Variants in TAF2 observed in about 807,000 individuals in gnomAD.
TAF2 encodes the protein TATA-box binding protein associated factor 2.
Under a neutral mutation model 138.5 loss-of-function variants are expected in TAF2, and 61 were observed. The ratio of observed to expected loss-of-function variants is 0.44; its 90% confidence interval spans 0.36 to 0.54. The LOEUF is 0.54. Ranked by LOEUF, TAF2 falls within the 20% of genes least tolerant of loss-of-function variation. The pLI is 0.00. For synonymous variants in TAF2, 475 were observed against 469.9 expected, an observed-to-expected ratio of 1.01 and a Z score of -0.14; for missense variants, 1,090 against 1,427.9, an observed-to-expected ratio of 0.76 and a Z score of 3.81.
chr8:119,829,913 G>A (rs1826337677), intron 2 of TAF2, among the ~76,000 whole-genome samples: 1 of 146,316 alleles, frequency 6.8e-6, no homozygotes, highest in South Asian at 2.2e-4. Flanking sequence ...AGGCTGGAGT[G>A]CAGTGGCGCG....
At chr8:119,821,116 G>A (rs1825781396) in intron 2 of TAF2, among the ~76,000 whole-genome samples, 1 of 152,176 alleles carries the variant, frequency 6.6e-6, no homozygotes, top group Non-Finnish European at 1.5e-5. Flanking sequence ...ATGATGAAAT[G>A]TATTTCAGGA....
At chr8:119,813,060 G>A (rs976685864) in intron 3 of TAF2, among the ~76,000 whole-genome samples, 2 of 152,134 alleles carry the variant, frequency 1.3e-5, no homozygotes, top group African/African-American at 4.8e-5. Flanking sequence ...CACCAGCAGT[G>A]TATAAGCAAT....
At chr8:119,818,881 T>C (rs766526913) in intron 3 of TAF2, among the ~76,000 whole-genome samples, 14 of 152,222 alleles carry the variant, frequency 9.2e-5, no homozygotes, top group South Asian at 4.1e-4. Context: ...TTATCTAAGG[T>C]GAAGAAACGA....
chr8:119,760,744 G>GA lies in TAF2; in HGVS notation c.2559-7dup, dbSNP rs772990403. On this transcript the variant is annotated splice_region_variant and splice_polypyrimidine_tract_variant and intron_variant, in intron 19 of 25. Transcript: ENST00000378164. ...CCCGTATGGCTCTCAAACAACTAGG[G>GA]AAAAAAATACGTATGTTAACTACTT... 2.5e-6 allele frequency: 4 copies of GA among 1,613,414 alleles called. No homozygotes were observed. Among genetic ancestry groups the GA allele is most frequent in the Admixed American group, 1.7e-5 (1 of 59,976 alleles).
chr8:119,811,856 C>T (rs1825092414), intron 3 of TAF2, among the ~76,000 whole-genome samples: 1 of 150,824 alleles, frequency 6.6e-6, no homozygotes, highest in East Asian at 1.9e-4. Context: ...AACCTGGAAC[C>T]ATGACATAAG....
At chr8:119,804,076 T>C (rs1434501173) in intron 4 of TAF2, 57 bp from the exon 5 acceptor site, 5 of 1,584,542 alleles carry the variant, frequency 3.2e-6, no homozygotes, top group African/African-American at 1.3e-5. Context: ...GTCTATATAA[T>C]AAAGACAAAG....
intron 18 of TAF2, among the ~76,000 whole-genome samples, chr8:119,773,110 A>G (rs920102040): frequency 6.7e-5 from 10 of 149,820 alleles, no homozygotes; most frequent in Admixed American, 6.2e-4. Flanking sequence ...AAAAAAACCT[A>G]TGGTTACCTT....
At chr8:119,768,024 G>C (rs1036512811) in intron 18 of TAF2, among the ~76,000 whole-genome samples, 1 of 152,212 alleles carries the variant, frequency 6.6e-6, no homozygotes, top group African/African-American at 2.4e-5. Context: ...TAAAAGGGAA[G>C]TGCAATCGGG....
intron 6 of TAF2, among the ~76,000 whole-genome samples, chr8:119,799,022 C>A (rs1824036874): frequency 6.6e-6 from 1 of 152,076 alleles, no homozygotes; most frequent in South Asian, 2.1e-4. Context: ...GTATTTGACA[C>A]AGAGAAGACT....
intron 18 of TAF2, among the ~76,000 whole-genome samples, chr8:119,771,252 T>G (rs975508731): frequency 1.3e-5 from 2 of 152,054 alleles, no homozygotes; most frequent in African/African-American, 4.8e-5. Context: ...TTTTACTTTT[T>G]TGAGACAGGT....
At chr8:119,822,736 A>G (rs1221829664) in intron 2 of TAF2, among the ~76,000 whole-genome samples, 1 of 152,184 alleles carries the variant, frequency 6.6e-6, no homozygotes, top group Non-Finnish European at 1.5e-5. Context: ...TCAAAGGTCC[A>G]CAATGCCTCT....
intron 2 of TAF2, among the ~76,000 whole-genome samples, chr8:119,828,111 C>T (rs979920215): frequency 2.0e-5 from 3 of 152,252 alleles, no homozygotes; most frequent in Admixed American, 6.5e-5. Context: ...CTCCTGACCT[C>T]AGGTGATCCA....
At chr8:119,829,731 C>T (rs951322381) in intron 2 of TAF2, among the ~76,000 whole-genome samples, 2 of 151,980 alleles carry the variant, frequency 1.3e-5, no homozygotes, top group African/African-American at 4.8e-5. Context: ...AGGGACAACA[C>T]AGGTGGAAGG....
At chr8:119,772,976 C>T (rs1385417394) in intron 18 of TAF2, among the ~76,000 whole-genome samples, 7 of 148,352 alleles carry the variant, frequency 4.7e-5, no homozygotes, top group Non-Finnish European at 8.9e-5. Flanking sequence ...AATAATATTA[C>T]TTAAAATAAG....
Position 119,731,896 on chromosome 8 carries a change from T to C in TAF2, c.*28A>G. 2 of 1,603,790 alleles carry C rather than the reference T, an allele frequency of 1.2e-6. No individual in the cohort carries two copies. The highest frequency in any genetic ancestry group is 1.7e-6 in the Non-Finnish European group (2 of 1,170,800). On this transcript the variant is annotated 3_prime_UTR_variant, in exon 26 of 26. Coordinates refer to ENST00000378164, the MANE Select transcript of TAF2 (RefSeq NM_003184.4). Reference sequence around the variant, plus strand: ...TTAGTTACATACATTCTTCTGGACATGAAAGGAAAGGTCTTTTTGTCCCCT... The same window carrying C: ...TTAGTTACATACATTCTTCTGGACACGAAAGGAAAGGTCTTTTTGTCCCCT...
chr8:119,736,424 A>C (rs541112277), intron 25 of TAF2, among the ~76,000 whole-genome samples: 1 of 152,250 alleles, frequency 6.6e-6, no homozygotes, highest in Non-Finnish European at 1.5e-5. Flanking sequence ...CAAGGAAGTT[A>C]AAATCTTGTC....
At chr8:119,763,133 G>C (rs187870868) in intron 18 of TAF2, among the ~76,000 whole-genome samples, 1 of 152,102 alleles carries the variant, frequency 6.6e-6, no homozygotes, top group Admixed American at 6.6e-5. Context: ...CTATCTGCCC[G>C]CTATTGACTT....
At chr8:119,750,593 A>G (rs1586316131) in intron 22 of TAF2, among the ~76,000 whole-genome samples, 1 of 152,026 alleles carries the variant, frequency 6.6e-6, no homozygotes, top group Non-Finnish European at 1.5e-5. Flanking sequence ...GTGTGTGTGT[A>G]TATATATATA....
chr8:119,823,332 C>T (rs1006251813), intron 2 of TAF2, among the ~76,000 whole-genome samples: 7 of 152,222 alleles, frequency 4.6e-5, no homozygotes, highest in Non-Finnish European at 1.0e-4. Context: ...TGTCCCCACC[C>T]TAATCTCATC....
Sources: gnomAD v4.1 joint callset for allele counts (sites outside exome capture counted in the v4.1 genomes callset) on GRCh38, gnomAD v4.1.1 for gene constraint, MANE v1.5 for transcripts, NCBI Gene and HGNC (gene_info 2026-07-23, HGNC 2026-07-21) for gene names.